SERGEF: variants seen among roughly 807,000 people sequenced by gnomAD.
SERGEF encodes secretion regulating guanine nucleotide exchange factor.
In SERGEF, 51 loss-of-function variants were observed where a neutral mutation model predicts 50.0. The observed-to-expected ratio is 1.02, with a 90% CI of 0.81 to 1.29. The LOEUF (loss-of-function observed/expected upper bound fraction) is 1.29. Ranked by LOEUF, SERGEF falls within the 50% of genes most tolerant of loss-of-function variation. The pLI is 0.00. For synonymous variants in SERGEF, 205 were observed against 212.4 expected (o/e 0.97, Z 0.30); for missense variants, 521 against 557.0 (o/e 0.94, Z 0.65).
intron 8 of SERGEF, among the ~76,000 whole-genome samples, chr11:17,976,078 T>C (rs917119573): frequency 2.6e-5 from 4 of 152,118 alleles, no homozygotes; most frequent in South Asian, 2.1e-4. Flanking sequence ...TCAGGCCCAA[T>C]GACTTGCCCA....
intron 8 of SERGEF, among the ~76,000 whole-genome samples, chr11:17,960,964 C>T (rs1297125712): frequency 6.6e-6 from 1 of 152,130 alleles, no homozygotes; most frequent in African/African-American, 2.4e-5. Context: ...TAAGAATGAC[C>T]TCTCCTTAGC....
intron 9 of SERGEF, among the ~76,000 whole-genome samples, chr11:17,950,927 A>C (rs958529686): frequency 6.6e-6 from 1 of 152,200 alleles, no homozygotes; most frequent in African/African-American, 2.4e-5. Flanking sequence ...TAGGACTTTA[A>C]ATCAGTGCTG....
chr11:17,943,697 T>C (rs1011738827), intron 9 of SERGEF, among the ~76,000 whole-genome samples: 2 of 152,250 alleles, frequency 1.3e-5, no homozygotes, highest in African/African-American at 2.4e-5. Flanking sequence ...TTTAAAGATA[T>C]AAATTTCCCT....
intron 8 of SERGEF, among the ~76,000 whole-genome samples, chr11:17,984,185 C>T (rs1853550388): frequency 6.6e-6 from 1 of 152,126 alleles, no homozygotes; most frequent in Non-Finnish European, 1.5e-5. Context: ...ATTAGTCATT[C>T]TCACACTCCT....
chr11:18,012,914 T>C, intron 1 of SERGEF, 37 bp downstream of exon 1: 2 of 1,534,946 alleles, frequency 1.3e-6, no homozygotes, highest in Non-Finnish European at 1.7e-6. Flanking sequence ...TCGGCGCCCC[T>C]CAGGGCCTGC....
intron 10 of SERGEF, among the ~76,000 whole-genome samples, chr11:17,848,822 C>T (rs1340355838): frequency 6.6e-6 from 1 of 152,168 alleles, no homozygotes; most frequent in Admixed American, 6.5e-5. Context: ...TGGACATCTT[C>T]AAGGCTCTTG....
chr11:17,891,685 AAC>A (rs1851533512), intron 9 of SERGEF, among the ~76,000 whole-genome samples: 1 of 152,208 alleles, frequency 6.6e-6, no homozygotes, highest in Non-Finnish European at 1.5e-5. Context: ...CAGATGGCAA[AAC>A]AGTGTTATTA....
intron 10 of SERGEF, among the ~76,000 whole-genome samples, chr11:17,790,961 T>C (rs895723254): frequency 7.2e-5 from 11 of 152,232 alleles, no homozygotes; most frequent in African/African-American, 2.4e-4. Context: ...GTTTGCCTTT[T>C]CCTTATTGAT....
intron 10 of SERGEF, among the ~76,000 whole-genome samples, chr11:17,798,863 G>C (rs1189896187): frequency 6.6e-6 from 1 of 152,226 alleles, no homozygotes; most frequent in Non-Finnish European, 1.5e-5. Context: ...CACACTCTGT[G>C]GATGAGGAAA....
chr11:17,994,389 T>C, intron 6 of SERGEF, among the ~76,000 whole-genome samples: 1 of 139,390 alleles, frequency 7.2e-6, no homozygotes, highest in East Asian at 2.2e-4. Context: ...GGCAGGAGGA[T>C]GGCGTGAACC....
At chr11:17,868,375 T>C (rs542258356) in intron 10 of SERGEF, among the ~76,000 whole-genome samples, 8 of 152,326 alleles carry the variant, frequency 5.3e-5, no homozygotes, top group African/African-American at 1.9e-4. Context: ...AAGGATCACC[T>C]TTACTCCAGT....
intron 1 of SERGEF, among the ~76,000 whole-genome samples, chr11:18,011,112 CAT>C (rs1038815356): frequency 6.0e-5 from 9 of 150,188 alleles, no homozygotes; most frequent in Non-Finnish European, 8.8e-5. Context: ...ACACTCCAGA[CAT>C]ATCACACGTG....
At position 17,790,919 on chromosome 11, in the gene SERGEF, T is replaced by A. The variant is rs960636781; in HGVS notation, c.1049-2506A>T. 5.9e-5 allele frequency among the ~76,000 whole-genome samples: 9 copies of A among 152,226 alleles called. No individual in the cohort carries two copies. The East Asian group carries it at 1.7e-3, about 29-fold the overall frequency. ...TTTAAGTTGCCTCTTCTGTGAATTG[T>A]CTATATACATTCTCTGTTTTGTTCT... is the stretch of plus-strand genomic sequence containing the variant. On this transcript the variant is annotated intron_variant, in intron 10 of 10. Coordinates refer to ENST00000265965, the MANE Select transcript of SERGEF (RefSeq NM_012139.4).
intron 10 of SERGEF, among the ~76,000 whole-genome samples, chr11:17,871,533 G>A (rs1208272642): frequency 6.6e-6 from 1 of 151,012 alleles, no homozygotes; most frequent in Non-Finnish European, 1.5e-5. Context: ...ATTCAACAAC[G>A]GACTGGAATC....
intron 10 of SERGEF, among the ~76,000 whole-genome samples, chr11:17,828,001 G>C (rs1198116936): frequency 6.6e-6 from 1 of 152,236 alleles, no homozygotes; most frequent in Non-Finnish European, 1.5e-5. Flanking sequence ...GATGCAGCAA[G>C]AAGGGGCTGA....
chr11:17,907,516 A>T (rs1248658290), intron 9 of SERGEF, among the ~76,000 whole-genome samples: 1 of 152,180 alleles, frequency 6.6e-6, no homozygotes, highest in African/African-American at 2.4e-5. Context: ...GTGTTTAAAG[A>T]TCTTCTATTC....
At chr11:17,910,957 A>G (rs1446198481) in intron 9 of SERGEF, among the ~76,000 whole-genome samples, 1 of 152,204 alleles carries the variant, frequency 6.6e-6, no homozygotes, top group Admixed American at 6.5e-5. Flanking sequence ...TGGACCTTAC[A>G]GAAGAAGCAA....
intron 4 of SERGEF, chr11:18,001,952 GC>G (rs911347334): frequency 1.8e-5 from 8 of 455,900 alleles, no homozygotes; most frequent in Non-Finnish European, 3.5e-5. Context: ...ATACCTTTAT[GC>G]CCAGGGCCTA....
In SERGEF at chr11:17,884,931, A is replaced by G. The variant is rs1051208228; in HGVS notation, c.1012-6687T>C. On this transcript the variant is annotated intron_variant, in intron 9 of 10. Coordinates refer to ENST00000265965, the MANE Select transcript of SERGEF (RefSeq NM_012139.4). This position sits in a 1 kb window ranked among gnomAD's most constrained non-coding sequence, Gnocchi z 4.6. ...ACCTCCCATCTTCACAGCCACTCTG[A>G]GAAGTGGGAATCTGTCTCCCTACAT... 6.6e-6 allele frequency among the ~76,000 whole-genome samples: 1 copy of G among 152,150 alleles called. No individual in the cohort carries two copies. The highest frequency in any genetic ancestry group is 2.4e-5 in the African/African-American group (1 of 41,432).
Sources: gnomAD v4.1 joint callset for allele counts (sites outside exome capture counted in the v4.1 genomes callset) on GRCh38, gnomAD v4.1.1 for gene constraint, Gnocchi (gnomAD v3.1) non-coding constraint, MANE v1.5 for transcripts, NCBI Gene and HGNC (gene_info 2026-07-23, HGNC 2026-07-21) for gene names.